The following FADS6 variants were observed in gnomAD, a reference collection of about 807,000 sequenced individuals.
FADS6 encodes fatty acid desaturase domain family, member 6.
A neutral mutation model predicts 31.7 loss-of-function variants in FADS6; 28 were observed. The observed-to-expected ratio is 0.88, with a 90% CI of 0.66 to 1.21. The LOEUF (loss-of-function observed/expected upper bound fraction) is 1.21. Ranked by LOEUF, FADS6 falls within the 50% of genes most tolerant of loss-of-function variation. FADS6 has a pLI of 0.00. For missense variants in FADS6, 494 were observed against 504.2 expected (o/e 0.98, Z 0.19); for synonymous variants, 191 against 213.1 (o/e 0.90, Z 0.90).
Position 74,892,621 on chromosome 17 carries a change from G to C in FADS6, c.313C>G (p.His105Asp). The change falls in exon 2 of 6, where the codon CAC (histidine) becomes GAC (aspartate). Residue 105 changes from histidine (H) to aspartate (D), a missense_variant. Transcript: ENST00000612771. ...ASGITILGVC[H>D]YTLTVKGSHL... is the part of the protein sequence containing the mutation. ...CTGCCCTTGACAGTGAGTGTGTAGTGGCACACACCCAAGATGGTGATGCCG... is the reference window on the plus strand; with the variant it reads ...CTGCCCTTGACAGTGAGTGTGTAGTCGCACACACCCAAGATGGTGATGCCG... 1 of 1,613,368 alleles carries C rather than the reference G, an allele frequency of 6.2e-7. No individual in the cohort carries two copies. The highest frequency in any genetic ancestry group is 1.1e-5 in the South Asian group (1 of 90,912).
At chr17:74,892,868 C>G (rs1272489072) in intron 1 of FADS6, among the ~76,000 whole-genome samples, 179 bp from the exon 2 acceptor site, 2 of 152,166 alleles carry the variant, frequency 1.3e-5, no homozygotes, top group South Asian at 2.1e-4. Flanking sequence ...GCCCCTCCAG[C>G]GGTCCTGACT....
intron 1 of FADS6, 30 bp downstream of exon 1, chr17:74,893,322 G>C: frequency 7.3e-6 from 11 of 1,501,006 alleles, no homozygotes; most frequent in Non-Finnish European, 8.8e-6. Context: ...CCGCAGCCCG[G>C]CCGGGACGCC....
intron 2 of FADS6, among the ~76,000 whole-genome samples, chr17:74,888,588 G>A (rs749815417): frequency 4.6e-5 from 7 of 152,086 alleles, no homozygotes; most frequent in Non-Finnish European, 7.4e-5. Context: ...GAAGGAAGCC[G>A]ATGACATTCT....
At chr17:74,882,754 A>T in intron 2 of FADS6, 44 bp from the exon 3 acceptor site, 1 of 1,576,824 alleles carries the variant, frequency 6.3e-7, no homozygotes, top group African/African-American at 1.3e-5. Context: ...CCTGTCAGGC[A>T]CAGTTGAGCA....
Position 74,881,138 on chromosome 17 carries a change from G to T in FADS6, c.710C>A (p.Ser237Ter), listed in dbSNP as rs771804471. Residue 237 changes from serine (S) to a stop codon, truncating the protein, a stop_gained, in exon 4 of 6, where the codon TCA becomes TAA. Coordinates refer to ENST00000612771, the MANE Select transcript of FADS6 (RefSeq NM_178128.6). LOFTEE classifies it high-confidence loss of function. ...GGTGAGGAACATGCAGCCCAGGGCT[G>T]AGCTGGGGTTCTTGAAGCCTGACAC... ...LNVSGFKNPS[S>*]ALGCMFLTRS... 6.2e-7 allele frequency: 1 copy of T among 1,613,624 alleles called. No homozygotes were observed. Among genetic ancestry groups the T allele is most frequent in the Non-Finnish European group, 8.5e-7 (1 of 1,179,780 alleles).
At chr17:74,888,167 C>G (rs965221894) in intron 2 of FADS6, among the ~76,000 whole-genome samples, 11 of 145,316 alleles carry the variant, frequency 7.6e-5, no homozygotes, top group Admixed American at 2.1e-4. Context: ...CGCGCGCGCG[C>G]GCGCGCAGAG....
chr17:74,876,116 A>G (rs111653275), downstream of FADS6, among the ~76,000 whole-genome samples: 75 of 152,294 alleles, frequency 4.9e-4, no homozygotes, highest in African/African-American at 1.7e-3. Flanking sequence ...TGGAGAGTGC[A>G]CATAAAAGAA....
At chr17:74,891,496 C>T (rs1353754502) in intron 2 of FADS6, among the ~76,000 whole-genome samples, 1 of 152,034 alleles carries the variant, frequency 6.6e-6, no homozygotes, top group African/African-American at 2.4e-5. Context: ...GAGCCTGGCC[C>T]GTGTCTTAGA....
rs1349895266 is a variant in FADS6 at position 74,879,409 on chromosome 17, G to C, written c.955C>G (p.Leu319Val). The C allele has an allele frequency of 6.2e-7, 1 of 1,613,714 alleles. No homozygotes were observed. Among genetic ancestry groups the C allele is most frequent in the South Asian group, 1.1e-5 (1 of 91,056 alleles). Residue 319 changes from leucine (L) to valine (V), a missense_variant, in exon 5 of 6, where the codon CTG (leucine) becomes GTG (valine). Physicochemically the swap from Leu to Val is conservative, Grantham distance 32 (BLOSUM62 1). Transcript: ENST00000612771. The stretch of plus-strand genomic sequence containing the variant: ...CCAGCCCAGCCCTCGACTACCTTCA[G>C]GCACATGTTATCAGAGAGCCTGGGG... ...LFPRLSDNMC[L>V]KVKPVVSQFL...
In FADS6 at chr17:74,881,562, C is replaced by A. The variant is rs76908389; in HGVS notation, c.593-307G>T. Among the ~76,000 whole-genome samples the A allele has an allele frequency of 3.6e-4, 55 of 151,802 alleles. No homozygotes were observed. In the East Asian group the frequency reaches 9.7e-3, roughly 27 times the overall value. The stretch of plus-strand genomic sequence containing the variant: ...AAAATACACAAAATTTGCTGGGCGT[C>A]GTGGCGCACACCTGTGGTCCCAGCT... On this transcript the variant is annotated intron_variant, in intron 3 of 5. Coordinates refer to ENST00000612771, the MANE Select transcript of FADS6 (RefSeq NM_178128.6).
At chr17:74,885,558 C>T (rs1049279466) in intron 2 of FADS6, among the ~76,000 whole-genome samples, 1 of 152,120 alleles carries the variant, frequency 6.6e-6, no homozygotes, top group Non-Finnish European at 1.5e-5. Context: ...CAGACCAACG[C>T]TGCCCCTCTG....
intron 2 of FADS6, among the ~76,000 whole-genome samples, chr17:74,889,517 G>T (rs1035787756): frequency 6.6e-6 from 1 of 151,188 alleles, no homozygotes; most frequent in Non-Finnish European, 1.5e-5. Context: ...GCCCTGTTGA[G>T]CTTTGCAAAC....
rs1161924324 is a variant in FADS6, at chr17:74,877,739, TG to T, written c.*591del. 1 of 985,540 alleles carries T rather than the reference TG, an allele frequency of 1.0e-6. No individual in the cohort carries two copies. Among genetic ancestry groups the T allele is most frequent in the African/African-American group, 1.7e-5 (1 of 57,254 alleles). 61.0% of individuals were successfully genotyped at this position (985,540 alleles called of 1,614,324 possible). A position where few individuals can be genotyped will look rare whatever the true frequency, so the allele number is the denominator to read the frequency against. On this transcript the variant is annotated 3_prime_UTR_variant, in exon 6 of 6. Transcript: ENST00000612771. ...ACACTCACTTTTATCTTGCTGATAC[TG>T]TGGCCTGGGGAACTGCTGAGCCAGT...
chr17:74,882,385 G>C lies in FADS6; in HGVS notation c.592+145C>G, dbSNP rs982817179. On this transcript the variant is annotated intron_variant, in intron 3 of 5. Coordinates refer to ENST00000612771, the MANE Select transcript of FADS6 (RefSeq NM_178128.6). ...GAGCCAGACTCAGCTCCAGGTCTGA[G>C]GCTCTTTCTACCTTGCCATGCTGTC... 4 of 965,884 alleles carry C rather than the reference G, an allele frequency of 4.1e-6. No individual in the cohort carries two copies. The African/African-American group carries it at 6.6e-5, about 16-fold the overall frequency. 59.8% of individuals were successfully genotyped at this position (965,884 alleles called of 1,614,324 possible). A position where few individuals can be genotyped will look rare whatever the true frequency, so the allele number is the denominator to read the frequency against.
chr17:74,893,049 T>G (rs1054021814), intron 1 of FADS6, among the ~76,000 whole-genome samples: 2 of 151,388 alleles, frequency 1.3e-5, no homozygotes, highest in African/African-American at 4.9e-5. Flanking sequence ...TTCCCGGGGG[T>G]GGGGGGGCAC....
intron 4 of FADS6, among the ~76,000 whole-genome samples, chr17:74,879,977 T>G (rs1002848181): frequency 2.0e-5 from 3 of 152,234 alleles, no homozygotes; most frequent in Admixed American, 1.3e-4. Context: ...CAGTGTCAAG[T>G]GCTTCCTCTG....
At chr17:74,891,697 A>C (rs1278751613) in intron 2 of FADS6, among the ~76,000 whole-genome samples, 1 of 152,128 alleles carries the variant, frequency 6.6e-6, no homozygotes, top group African/African-American at 2.4e-5. Context: ...AGCTGAGTGG[A>C]TAGTGATGAT....
At chr17:74,881,764 AAAAGAAACAAAG>A (rs756641780) in intron 3 of FADS6, among the ~76,000 whole-genome samples, 2 of 151,966 alleles carry the variant, frequency 1.3e-5, no homozygotes, top group Non-Finnish European at 2.9e-5. Flanking sequence ...AAAGAAAAGA[AAAAGAAACAAAG>A]AAAGAAACAG....
At position 74,878,281 on chromosome 17, in the gene FADS6, G is replaced by T. The variant is rs752735922; in HGVS notation, c.*50C>A. ...CCCCTGGACCAGCAGCAGCAGGAGG[G>T]CCAGGGCCAGGCCAGGGAGGGGCAG... On this transcript the variant is annotated 3_prime_UTR_variant, in exon 6 of 6. Coordinates refer to ENST00000612771, the MANE Select transcript of FADS6 (RefSeq NM_178128.6). The T allele has an allele frequency of 3.3e-5, 51 of 1,564,646 alleles. 1 individual carries two copies. Among genetic ancestry groups the T allele is most frequent in the Non-Finnish European group, 4.2e-5 (49 of 1,154,872 alleles).
Sources: gnomAD v4.1 joint callset for allele counts (sites outside exome capture counted in the v4.1 genomes callset) on GRCh38, gnomAD v4.1.1 for gene constraint, MANE v1.5 for transcripts, NCBI Gene and HGNC (gene_info 2026-07-23, HGNC 2026-07-21) for gene names.